The following NDUFS1 variants were observed in gnomAD, a reference collection of about 807,000 sequenced individuals.
NDUFS1 encodes the protein NADH:ubiquinone oxidoreductase core subunit S1.
NDUFS1 carries 61 observed loss-of-function variants against 84.4 expected under a neutral mutation model. That is an observed-to-expected ratio of 0.72 (90% CI 0.59 to 0.89). The LOEUF is 0.89. NDUFS1 is among the 40% of genes least tolerant of loss of function. NDUFS1 has a pLI of 0.00. For synonymous variants in NDUFS1, 275 were observed against 290.0 expected, an observed-to-expected ratio of 0.95 and a Z score of 0.53; for missense variants, 891 against 890.0, an observed-to-expected ratio of 1.00 and a Z score of -0.01.
intron 11 of NDUFS1, 37 bp from the exon 12 acceptor site, chr2:206,142,106 A>T: frequency 6.6e-7 from 1 of 1,518,204 alleles, no homozygotes; most frequent in Non-Finnish European, 9.1e-7. Flanking sequence ...ATTTACTTTA[A>T]AATTAAGACA....
In NDUFS1 at chr2:206,115,071, C is replaced by T. The variant is rs182225987; in HGVS notation, c.*9114G>A. The T allele has an allele frequency of 9.4e-4, 143 of 152,312 alleles. No individual in the cohort carries two copies. Among genetic ancestry groups the T allele is most frequent in the African/African-American group, 3.4e-3 (140 of 41,572 alleles). 9.4% of individuals were successfully genotyped at this position (152,312 alleles called of 1,614,324 possible). ...ATTTACATATTTTTGTTTTGTCTGA[C>T]ATGACAAACATTGCAAATGTACATC... On this transcript the variant is annotated 3_prime_UTR_variant, in exon 19 of 19. Transcript: ENST00000233190.
At position 206,115,943 on chromosome 2, in the gene NDUFS1, A is replaced by C; in HGVS notation, c.*8242T>G. 1.5e-6 allele frequency: 1 copy of C among 665,078 alleles called. No individual in the cohort carries two copies. Among genetic ancestry groups the C allele is most frequent in the Non-Finnish European group, 2.8e-6 (1 of 363,450 alleles). 41.2% of individuals were successfully genotyped at this position (665,078 alleles called of 1,614,324 possible). A position where few individuals can be genotyped will look rare whatever the true frequency, so the allele number is the denominator to read the frequency against. On this transcript the variant is annotated 3_prime_UTR_variant, in exon 19 of 19. Transcript: ENST00000233190. ...ACACATATTATGTTTATCTACAATC[A>C]TTAGAAAGTTAAAAGGCATCTTCTT...
chr2:206,133,205 G>C (rs1037879302), intron 13 of NDUFS1, 100 bp from the exon 14 acceptor site: 1 of 961,218 alleles, frequency 1.0e-6, no homozygotes. Flanking sequence ...CAAGTCTTAG[G>C]TGTAACATGA....
chr2:206,140,691 C>G (rs973450828), intron 12 of NDUFS1, among the ~76,000 whole-genome samples: 2 of 151,764 alleles, frequency 1.3e-5, no homozygotes, highest in African/African-American at 4.8e-5. Context: ...GTTGGTCAGG[C>G]TGGTCTCAAA....
At chr2:206,133,135 T>C (rs1484504397) in intron 13 of NDUFS1, 30 bp from the exon 14 acceptor site, 1 of 1,548,542 alleles carries the variant, frequency 6.5e-7, no homozygotes, top group Non-Finnish European at 8.8e-7. Flanking sequence ...ACTTTGATTT[T>C]AAAATATTAC....
In NDUFS1 at chr2:206,154,922, C is replaced by CTTT. The variant is rs71034412; in HGVS notation, c.-4-1243_-4-1241dup. Among the ~76,000 whole-genome samples, 771 of 100,756 alleles carry CTTT rather than the reference C, an allele frequency of 7.7e-3. 21 individuals carry two copies. Among genetic ancestry groups the CTTT allele is most frequent in the Non-Finnish European group, 9.2e-3 (499 of 53,984 alleles). The allele number at this position is 100,756 out of a possible 152,430, so 66.1% of individuals were successfully genotyped here. On this transcript the variant is annotated intron_variant, in intron 1 of 18. Coordinates refer to ENST00000233190, the MANE Select transcript of NDUFS1 (RefSeq NM_005006.7). ...AAGGCGTGAGCCACCGTGCCCGGCC[C>CTTT]TTTTTTTTTTTTTTTTTTTTTGAGA...
chr2:206,128,767 T>A (rs1691392554), intron 15 of NDUFS1, among the ~76,000 whole-genome samples: 1 of 150,780 alleles, frequency 6.6e-6, no homozygotes, highest in Non-Finnish European at 1.5e-5. Flanking sequence ...GGTGACAGAG[T>A]GAGACTCTAT....
chr2:206,129,639 T>C (rs1691428544), intron 15 of NDUFS1, among the ~76,000 whole-genome samples: 1 of 151,718 alleles, frequency 6.6e-6, no homozygotes, highest in South Asian at 2.1e-4. Context: ...TTGCCTAGGC[T>C]GGAGTACAAT....
At position 206,127,901 on chromosome 2, in the gene NDUFS1, C is replaced by A; in HGVS notation, c.1780G>T (p.Ala594Ser). Residue 594 changes from alanine to serine, a missense_variant, in exon 16 of 19, where the codon GCT (alanine) becomes TCT (serine). By Grantham distance (99) the Ala-to-Ser change is moderately conservative. Transcript: ENST00000233190. ...CTACCCTCAGTGTTGACATATGTAGCAGACTTCTCTGTGTAAGCAGCTCCT... is the reference window on the plus strand; with the variant it reads ...CTACCCTCAGTGTTGACATATGTAGAAGACTTCTCTGTGTAAGCAGCTCCT... Reference protein sequence around the residue: ...LPGAAYTEKSATYVNTEGRAQ... With the variant: ...LPGAAYTEKSSTYVNTEGRAQ... 6.2e-7 allele frequency: 1 copy of A among 1,614,134 alleles called. No homozygotes were observed. Among genetic ancestry groups the A allele is most frequent in the South Asian group, 1.1e-5 (1 of 91,078 alleles).
chr2:206,147,965 T>G, intron 5 of NDUFS1, 131 bp from the exon 6 acceptor site: 1 of 817,506 alleles, frequency 1.2e-6, no homozygotes, highest in Non-Finnish European at 2.1e-6. Flanking sequence ...TTGCTCAGGC[T>G]GCAGTGCAGT....
chr2:206,159,148 C>T, intron 1 of NDUFS1, 193 bp downstream of exon 1: 3 of 1,535,714 alleles, frequency 2.0e-6, no homozygotes, highest in Non-Finnish European at 2.6e-6. Context: ...TTTTCTGCTT[C>T]ATCAGACCAG....
At chr2:206,138,827 C>T (rs1368191918) in intron 12 of NDUFS1, among the ~76,000 whole-genome samples, 1 of 152,114 alleles carries the variant, frequency 6.6e-6, no homozygotes, top group Admixed American at 6.6e-5. Context: ...TGTAGAAATG[C>T]TATCCAGACC....
chr2:206,146,767 TTA>T, intron 8 of NDUFS1, 134 bp downstream of exon 8: 3 of 772,404 alleles, frequency 3.9e-6, no homozygotes, highest in Non-Finnish European at 6.3e-6. Context: ...TACCTTCTAT[TTA>T]AAGGGTTTTA....
intron 18 of NDUFS1, among the ~76,000 whole-genome samples, chr2:206,125,911 A>G (rs1352506818): frequency 1.3e-5 from 2 of 152,136 alleles, no homozygotes; most frequent in Admixed American, 1.3e-4. Context: ...TGTGCTTTTG[A>G]GCATAGGTAT....
chr2:206,140,943 T>TATACACACACACACACACACACAC (rs367723817), intron 12 of NDUFS1, among the ~76,000 whole-genome samples: 40 of 136,136 alleles, frequency 2.9e-4, no homozygotes, highest in African/African-American at 1.0e-3. Context: ...TATATATATA[T>TATACACACACACACACACACACAC]ACACACACAC....
At chr2:206,158,232 G>T (rs1173912503) in intron 1 of NDUFS1, among the ~76,000 whole-genome samples, 1 of 152,102 alleles carries the variant, frequency 6.6e-6, no homozygotes, top group Admixed American at 6.5e-5. Flanking sequence ...AAAGTGGTGG[G>T]ATTACAGGAG....
chr2:206,145,176 G>T (rs1692111562), intron 8 of NDUFS1, 150 bp from the exon 9 acceptor site: 1 of 751,092 alleles, frequency 1.3e-6, no homozygotes, highest in East Asian at 2.8e-5. Context: ...TTAAATAAAA[G>T]AACCCCCCAC....
chr2:206,145,799 G>A (rs1230928004), intron 8 of NDUFS1, among the ~76,000 whole-genome samples: 1 of 152,166 alleles, frequency 6.6e-6, no homozygotes, highest in African/African-American at 2.4e-5. Context: ...AACTTCTTTG[G>A]TACAGATGGA....
At chr2:206,159,195 A>G (rs1559070839) in intron 1 of NDUFS1, 146 bp downstream of exon 1, 1 of 1,520,360 alleles carries the variant, frequency 6.6e-7, no homozygotes, top group African/African-American at 1.4e-5. Context: ...GCCGGCTCTC[A>G]GGGGCTTCCG....
Sources: gnomAD v4.1 joint callset for allele counts (sites outside exome capture counted in the v4.1 genomes callset) on GRCh38, gnomAD v4.1.1 for gene constraint, MANE v1.5 for transcripts, NCBI Gene and HGNC (gene_info 2026-07-23, HGNC 2026-07-21) for gene names.